Variants in NME8 observed in about 807,000 individuals in gnomAD.
NME8 encodes the protein protein NME8.
A neutral mutation model predicts 82.3 loss-of-function variants in NME8; 72 were observed. The observed-to-expected ratio is 0.87, with a 90% CI of 0.72 to 1.06. The LOEUF is 1.06. Ranked by LOEUF, NME8 falls within the 50% of genes least tolerant of loss-of-function variation. The pLI is 0.00. For synonymous variants in NME8, 267 were observed against 228.5 expected (o/e 1.17, Z -1.52); for missense variants, 712 against 685.4 (o/e 1.04, Z -0.43).
At chr7:37,882,011 A>G (rs1784953681) in intron 12 of NME8, among the ~76,000 whole-genome samples, 1 of 152,218 alleles carries the variant, frequency 6.6e-6, no homozygotes, top group Non-Finnish European at 1.5e-5. Context: ...TAGATAATTC[A>G]GTTTTTGTTG....
chr7:37,874,749 TA>T (rs890099045), intron 11 of NME8, among the ~76,000 whole-genome samples: 3 of 152,134 alleles, frequency 2.0e-5, no homozygotes, highest in Non-Finnish European at 4.4e-5. Flanking sequence ...AGGTAAAGGT[TA>T]AAAAAACCTA....
chr7:37,864,302 C>A (rs3816418), intron 8 of NME8, 46 bp from the exon 9 acceptor site: 1 of 1,557,978 alleles, frequency 6.4e-7, no homozygotes, highest in African/African-American at 1.4e-5. Flanking sequence ...ATCCAGACTT[C>A]GTGCCAAGAA....
At chr7:37,897,234 A>T (rs1785243861) in intron 17 of NME8, 127 bp downstream of exon 17, 2 of 673,410 alleles carry the variant, frequency 3.0e-6, no homozygotes, top group African/African-American at 3.6e-5. Context: ...TTCCTGTGAG[A>T]CACACTGTTC....
intron 6 of NME8, among the ~76,000 whole-genome samples, chr7:37,860,805 C>A (rs977322027): frequency 6.6e-6 from 1 of 152,192 alleles, no homozygotes; most frequent in African/African-American, 2.4e-5. Context: ...ATCTTCCTCC[C>A]CACAAAACAC....
chr7:37,899,493 CAT>C (rs1355555808), intron 17 of NME8, among the ~76,000 whole-genome samples: 1 of 151,268 alleles, frequency 6.6e-6, no homozygotes, highest in Non-Finnish European at 1.5e-5. Context: ...CACATGGACA[CAT>C]GGGGGGAACA....
intron 17 of NME8, among the ~76,000 whole-genome samples, chr7:37,899,053 G>A (rs1320624418): frequency 6.6e-6 from 1 of 152,066 alleles, no homozygotes; most frequent in African/African-American, 2.4e-5. Context: ...TCCTAACACA[G>A]AAACCCTTAA....
intron 6 of NME8, among the ~76,000 whole-genome samples, chr7:37,861,729 A>G (rs1784599740): frequency 6.6e-6 from 1 of 152,170 alleles, no homozygotes; most frequent in Admixed American, 6.5e-5. Flanking sequence ...GTTCAACTTT[A>G]AAGCAAGGAT....
chr7:37,866,990 T>A (rs1445302388), intron 10 of NME8, among the ~76,000 whole-genome samples: 1 of 152,174 alleles, frequency 6.6e-6, no homozygotes, highest in Admixed American at 6.6e-5. Flanking sequence ...AGGCTTTTAC[T>A]GAATACACGA....
At chr7:37,881,739 T>C (rs1784949740) in intron 12 of NME8, among the ~76,000 whole-genome samples, 3 of 152,232 alleles carry the variant, frequency 2.0e-5, no homozygotes, top group Non-Finnish European at 2.9e-5. Flanking sequence ...GTGTCATTTA[T>C]TCCTTAAACG....
chr7:37,886,564 T>C (rs2131969032), intron 14 of NME8, among the ~76,000 whole-genome samples: 1 of 152,300 alleles, frequency 6.6e-6, no homozygotes, highest in South Asian at 2.1e-4. Context: ...CAAAATATGA[T>C]AATTTGCATA....
intron 12 of NME8, among the ~76,000 whole-genome samples, chr7:37,882,595 GAA>G (rs376806267): frequency 0.06 from 3,219 of 53,482 alleles, 47 homozygotes; most frequent in Middle Eastern, 0.19. Context: ...AAGAAAGAAA[GAA>G]AGAGAGAGAG....
intron 8 of NME8, among the ~76,000 whole-genome samples, 200 bp downstream of exon 8, chr7:37,863,662 T>C (rs1338691951): frequency 6.6e-6 from 1 of 152,230 alleles, no homozygotes; most frequent in Non-Finnish European, 1.5e-5. Flanking sequence ...CCTTTGGTTC[T>C]GGGCCTGGAG....
intron 8 of NME8, 56 bp downstream of exon 8, chr7:37,863,518 A>T (rs1260170956): frequency 1.1e-6 from 1 of 924,896 alleles, no homozygotes; most frequent in Non-Finnish European, 1.8e-6. Flanking sequence ...GGCGGTCATC[A>T]CAGCATCACT....
intron 11 of NME8, among the ~76,000 whole-genome samples, chr7:37,875,840 T>G (rs1784839466): frequency 6.6e-6 from 1 of 151,808 alleles, no homozygotes; most frequent in Non-Finnish European, 1.5e-5. Flanking sequence ...TAAGGAGAAC[T>G]GGAAAAAATA....
At chr7:37,872,495 T>C (rs1424170456) in intron 11 of NME8, among the ~76,000 whole-genome samples, 1 of 151,776 alleles carries the variant, frequency 6.6e-6, no homozygotes, top group Non-Finnish European at 1.5e-5. Flanking sequence ...AAAATAACAA[T>C]AAAAAAAGGA....
chr7:37,877,144 C>T lies in NME8; in HGVS notation c.994+137C>T. ...GCACCTTAAGAAATTAATGTATTAACTTACTAATATCTTAATAGTGAATAA... is the reference window on the plus strand; with the variant it reads ...GCACCTTAAGAAATTAATGTATTAATTTACTAATATCTTAATAGTGAATAA... On this transcript the variant is annotated intron_variant, in intron 12 of 17. Transcript: ENST00000199447. 2 of 697,910 alleles carry T rather than the reference C, an allele frequency of 2.9e-6. 1 individual carries two copies. Among genetic ancestry groups the T allele is most frequent in the South Asian group, 3.5e-5 (2 of 56,868 alleles). 43.2% of individuals were successfully genotyped at this position (697,910 alleles called of 1,614,324 possible).
At chr7:37,885,716 C>A (rs1254561486) in intron 14 of NME8, among the ~76,000 whole-genome samples, 1 of 152,144 alleles carries the variant, frequency 6.6e-6, no homozygotes, top group Non-Finnish European at 1.5e-5. Context: ...ACTTTGTAAT[C>A]AACTTGACCC....
chr7:37,877,820 T>C (rs1325688143), intron 12 of NME8, among the ~76,000 whole-genome samples: 1 of 152,140 alleles, frequency 6.6e-6, no homozygotes, highest in Non-Finnish European at 1.5e-5. Context: ...ACCTCTCAAA[T>C]TGTGACAACG....
chr7:37,882,619 G>GAA (rs1385495555), intron 12 of NME8, among the ~76,000 whole-genome samples: 21 of 86,840 alleles, frequency 2.4e-4, no homozygotes, highest in African/African-American at 4.4e-4. Flanking sequence ...GAGAGAGAAA[G>GAA]AAAGAAAGAA....
Sources: allele counts gnomAD v4.1 joint callset (sites outside exome capture counted in the v4.1 genomes callset), GRCh38; gene constraint gnomAD v4.1.1; transcripts MANE v1.5; gene names NCBI Gene and HGNC (gene_info 2026-07-23, HGNC 2026-07-21).